RBFOX1: variants seen among roughly 807,000 people sequenced by gnomAD.
RBFOX1 encodes the protein RNA binding protein fox-1 homolog 1.
RBFOX1 carries 8 observed loss-of-function variants against 57.7 expected under a neutral mutation model. That is an observed-to-expected ratio of 0.14 (90% CI 0.08 to 0.25). RBFOX1 has a LOEUF of 0.25. Ranked by LOEUF, RBFOX1 falls within the 10% of genes least tolerant of loss-of-function variation. RBFOX1 has a pLI of 1.00. For synonymous variants in RBFOX1, 326 were observed against 222.4 expected, an observed-to-expected ratio of 1.47 and a Z score of -4.15; for missense variants, 611 against 548.5, an observed-to-expected ratio of 1.11 and a Z score of -1.14.
chr16:7,184,891 G>A (rs924113117), intron 4 of RBFOX1, among the ~76,000 whole-genome samples: 2 of 152,048 alleles, frequency 1.3e-5, no homozygotes, highest in Admixed American at 6.6e-5. Flanking sequence ...TTTACACATG[G>A]GTAATATTAA....
At chr16:5,633,738 G>C (rs896027185) in intron 3 of RBFOX1, among the ~76,000 whole-genome samples, 1 of 151,940 alleles carries the variant, frequency 6.6e-6, no homozygotes, top group Non-Finnish European at 1.5e-5. Flanking sequence ...GCCGGGCGTC[G>C]TGGTGCATGC....
intron 3 of RBFOX1, among the ~76,000 whole-genome samples, chr16:6,739,643 G>T (rs929082797): frequency 5.9e-5 from 9 of 152,106 alleles, no homozygotes; most frequent in Non-Finnish European, 1.3e-4. Context: ...TTGGGAGGCC[G>T]AGGTGGGTGG....
chr16:6,918,986 T>G (rs2073872008), intron 3 of RBFOX1, among the ~76,000 whole-genome samples: 1 of 152,096 alleles, frequency 6.6e-6, no homozygotes, highest in Non-Finnish European at 1.5e-5. Context: ...ATGATTTTTG[T>G]TTGTTTGTTT....
intron 2 of RBFOX1, among the ~76,000 whole-genome samples, chr16:6,491,610 C>T (rs1322387002): frequency 6.6e-6 from 1 of 152,096 alleles, no homozygotes; most frequent in African/African-American, 2.4e-5. Context: ...TGAGTGCCTG[C>T]AATAAGCTAG....
chr16:6,663,630 G>A (rs765476468), intron 3 of RBFOX1, among the ~76,000 whole-genome samples: 8 of 152,228 alleles, frequency 5.3e-5, no homozygotes, highest in Non-Finnish European at 5.9e-5. Flanking sequence ...CGCCCATCTG[G>A]ATGAGACTCA....
At chr16:6,867,812 C>G (rs1020906867) in intron 3 of RBFOX1, among the ~76,000 whole-genome samples, 1 of 152,176 alleles carries the variant, frequency 6.6e-6, no homozygotes, top group Non-Finnish European at 1.5e-5. Flanking sequence ...CTGTTTATCC[C>G]TTGATCCTGG....
intron 4 of RBFOX1, among the ~76,000 whole-genome samples, chr16:5,971,268 A>C (rs2059957047): frequency 6.6e-6 from 1 of 152,212 alleles, no homozygotes; most frequent in African/African-American, 2.4e-5. Context: ...GAGCCAAATC[A>C]GTTTAGGCTC....
At chr16:7,488,901 G>T (rs868439957) in intron 4 of RBFOX1, among the ~76,000 whole-genome samples, 60 of 152,018 alleles carry the variant, frequency 3.9e-4, no homozygotes, top group African/African-American at 1.4e-3. Context: ...CATTATGTTT[G>T]TCTATACGTT....
At chr16:6,751,953 T>A (rs1330957586) in intron 3 of RBFOX1, among the ~76,000 whole-genome samples, 1 of 152,166 alleles carries the variant, frequency 6.6e-6, no homozygotes, top group Non-Finnish European at 1.5e-5. Flanking sequence ...TATTTTTAAT[T>A]GAGATTTTAT....
Position 7,345,948 on chromosome 16 carries a change from G to A in RBFOX1, c.28-172199G>A, listed in dbSNP as rs1034287905. On this transcript the variant is annotated intron_variant, in intron 4 of 15. Transcript: ENST00000550418. ...ACCCATTAACTCGTCATTTACATTA[G>A]GTATATCTCCTAATGCTATCCCTCC... is the stretch of plus-strand genomic sequence containing the variant. Among the ~76,000 whole-genome samples the A allele has an allele frequency of 2.6e-5, 4 of 152,122 alleles. No homozygotes were observed. In the East Asian group the frequency reaches 7.8e-4, roughly 29 times the overall value.
intron 3 of RBFOX1, among the ~76,000 whole-genome samples, chr16:6,819,621 C>G (rs1003950619): frequency 7.4e-6 from 1 of 134,916 alleles, no homozygotes; most frequent in African/African-American, 2.7e-5. Context: ...AGGAGAATTG[C>G]TTGAACCTGG....
intron 2 of RBFOX1, among the ~76,000 whole-genome samples, chr16:6,597,632 C>G (rs543415494): frequency 4.0e-4 from 61 of 152,162 alleles, no homozygotes; most frequent in Non-Finnish European, 5.4e-4. Context: ...TGAGATAGCA[C>G]CATTGCACTC....
chr16:6,614,447 C>G (rs1311366927), intron 2 of RBFOX1, among the ~76,000 whole-genome samples: 3 of 152,158 alleles, frequency 2.0e-5, no homozygotes, highest in Non-Finnish European at 2.9e-5. Context: ...CCTGCTTTTT[C>G]CTGCCCAGTT....
intron 4 of RBFOX1, among the ~76,000 whole-genome samples, chr16:7,511,966 G>C (rs1293872463): frequency 6.6e-6 from 1 of 152,192 alleles, no homozygotes; most frequent in African/African-American, 2.4e-5. Context: ...CGTTAAGTTT[G>C]CAAAAGCTCC....
intron 3 of RBFOX1, among the ~76,000 whole-genome samples, chr16:6,999,917 C>T (rs1596503970): frequency 6.6e-6 from 1 of 151,790 alleles, no homozygotes; most frequent in Non-Finnish European, 1.5e-5. Context: ...ACTAAAAATA[C>T]AGAAGTTAAC....
At chr16:5,668,877 C>G (rs951878898) in intron 3 of RBFOX1, among the ~76,000 whole-genome samples, 3 of 152,154 alleles carry the variant, frequency 2.0e-5, no homozygotes, top group Non-Finnish European at 2.9e-5. Flanking sequence ...TAGATTCTCC[C>G]TAGCTTGCTT....
At chr16:7,210,259 G>T (rs779164539) in intron 4 of RBFOX1, among the ~76,000 whole-genome samples, 5 of 152,150 alleles carry the variant, frequency 3.3e-5, no homozygotes, top group Non-Finnish European at 7.3e-5. Flanking sequence ...ATAGGATTGC[G>T]AGGCTGACTA....
intron 3 of RBFOX1, among the ~76,000 whole-genome samples, chr16:6,919,397 C>A (rs371896251): frequency 6.6e-6 from 1 of 151,936 alleles, no homozygotes; most frequent in Non-Finnish European, 1.5e-5. Flanking sequence ...TTATTAGCTC[C>A]ATTTTATAGA....
intron 3 of RBFOX1, among the ~76,000 whole-genome samples, chr16:6,756,208 A>G (rs545015805): frequency 3.3e-5 from 5 of 152,330 alleles, no homozygotes; most frequent in South Asian, 2.1e-4. Flanking sequence ...TTTAAAAATT[A>G]TATGGATTGG....
Sources: allele counts gnomAD v4.1 joint callset (sites outside exome capture counted in the v4.1 genomes callset), GRCh38; gene constraint gnomAD v4.1.1; transcripts MANE v1.5; gene names NCBI Gene and HGNC (gene_info 2026-07-23, HGNC 2026-07-21).